The following PTPN4 variants were observed in gnomAD, a reference collection of about 807,000 sequenced individuals.
PTPN4 encodes the protein protein tyrosine phosphatase non-receptor type 4.
A neutral mutation model predicts 135.5 loss-of-function variants in PTPN4; 49 were observed. The observed-to-expected ratio is 0.36, with a 90% CI of 0.29 to 0.46. PTPN4 has a LOEUF of 0.46. Among genes scored for constraint, PTPN4 ranks in the 20% least tolerant of loss-of-function variants. The probability of loss-of-function intolerance (pLI) is 1.00; values close to 1 mark genes in which losing one functional copy is unlikely to be tolerated. For synonymous variants in PTPN4, 333 were observed against 369.9 expected (o/e 0.90, Z 1.14); for missense variants, 860 against 1,101.0 (o/e 0.78, Z 3.10).
At chr2:119,957,952 G>T (rs1679312395) in intron 22 of PTPN4, among the ~76,000 whole-genome samples, 1 of 151,968 alleles carries the variant, frequency 6.6e-6, no homozygotes, top group African/African-American at 2.4e-5. Flanking sequence ...TCAAGGGGAG[G>T]TTTTTTAAGC....
At chr2:119,829,354 TTAGCCATTTTTA>T (rs1205686322) in intron 2 of PTPN4, among the ~76,000 whole-genome samples, 13 of 152,340 alleles carry the variant, frequency 8.5e-5, no homozygotes, top group African/African-American at 2.9e-4. Context: ...ATTTACCACT[TTAGCCATTTTTA>T]TATATACAAT....
intron 2 of PTPN4, among the ~76,000 whole-genome samples, chr2:119,811,870 T>A (rs1030306461): frequency 2.0e-5 from 3 of 151,912 alleles, no homozygotes; most frequent in African/African-American, 7.2e-5. Context: ...GAAAGACATA[T>A]ATATTAATGT....
At chr2:119,849,644 A>G (rs2104978675) in intron 2 of PTPN4, among the ~76,000 whole-genome samples, 1 of 152,278 alleles carries the variant, frequency 6.6e-6, no homozygotes, top group Non-Finnish European at 1.5e-5. Flanking sequence ...TATTGATAAT[A>G]TATTGACCCC....
rs1420108063 is a variant in PTPN4, at chr2:119,885,806, C to A, written c.599C>A (p.Pro200His). Residue 200 changes from proline (P) to histidine (H), a missense_variant, in exon 9 of 27, where the codon CCT becomes CAT. Physicochemically the swap from Pro to His is moderately conservative, Grantham distance 77. Transcript: ENST00000263708. The part of the protein sequence containing the change: ...KLHQQHIGLS[P>H]AEAEFNYLNT... ...TGATGTCTTTATAGAGGCTTATCTCCTGCAGAAGCAGAATTTAATTACCTA... is the reference window on the plus strand; with the variant it reads ...TGATGTCTTTATAGAGGCTTATCTCATGCAGAAGCAGAATTTAATTACCTA... The A allele has an allele frequency of 6.3e-7, 1 of 1,592,964 alleles. No individual in the cohort carries two copies. The highest frequency in any genetic ancestry group is 1.4e-5 in the African/African-American group (1 of 73,932).
At chr2:119,761,070 A>T (rs1296902186) in intron 1 of PTPN4, among the ~76,000 whole-genome samples, 1 of 152,152 alleles carries the variant, frequency 6.6e-6, no homozygotes, top group African/African-American at 2.4e-5. Flanking sequence ...GGATTTTTCA[A>T]AACGCCTGTT....
intron 10 of PTPN4, among the ~76,000 whole-genome samples, chr2:119,914,919 G>A (rs1475496192): frequency 6.6e-6 from 1 of 152,124 alleles, no homozygotes. Context: ...AACTAAGTTA[G>A]TGATAGTTTT....
chr2:119,885,777 T>G lies in PTPN4; in HGVS notation c.588-18T>G. 1 of 1,503,356 alleles carries G rather than the reference T, an allele frequency of 6.7e-7. No homozygotes were observed. Among genetic ancestry groups the G allele is most frequent in the Non-Finnish European group, 9.0e-7 (1 of 1,108,898 alleles). 93.1% of individuals were successfully genotyped at this position (1,503,356 alleles called of 1,614,324 possible). ...TTGATTGATTGATCTCATTTTTAAC[T>G]TAATGATGTCTTTATAGAGGCTTAT... On this transcript the variant is annotated intron_variant, in intron 8 of 26. Transcript: ENST00000263708.
intron 1 of PTPN4, among the ~76,000 whole-genome samples, chr2:119,796,892 G>A (rs77924053): frequency 0.025 from 3,827 of 150,264 alleles, 165 homozygotes; most frequent in African/African-American, 0.089. Flanking sequence ...GTGTGTGTGT[G>A]TGTGTTTTGC....
intron 9 of PTPN4, among the ~76,000 whole-genome samples, chr2:119,894,914 G>A (rs1427102542): frequency 6.6e-6 from 1 of 152,114 alleles, no homozygotes; most frequent in Non-Finnish European, 1.5e-5. Flanking sequence ...CTGAGTATGG[G>A]AAAGTGGACA....
chr2:119,771,211 C>T (rs1201160598), intron 1 of PTPN4, among the ~76,000 whole-genome samples: 1 of 152,170 alleles, frequency 6.6e-6, no homozygotes, highest in African/African-American at 2.4e-5. Flanking sequence ...CTTTCCATCC[C>T]AGCCCAGCCA....
chr2:119,972,906 A>G (rs1212084159), intron 26 of PTPN4, among the ~76,000 whole-genome samples: 2 of 152,142 alleles, frequency 1.3e-5, no homozygotes, highest in East Asian at 3.8e-4. Flanking sequence ...TCTCACTTGG[A>G]CATAGTATGT....
chr2:119,789,911 A>G (rs1026670858), intron 1 of PTPN4, among the ~76,000 whole-genome samples: 2 of 151,724 alleles, frequency 1.3e-5, no homozygotes, highest in African/African-American at 4.8e-5. Context: ...TATTTTTAGT[A>G]GAGACTCGGT....
At chr2:119,800,910 G>A (rs946295950) in intron 1 of PTPN4, among the ~76,000 whole-genome samples, 4 of 151,582 alleles carry the variant, frequency 2.6e-5, no homozygotes, top group African/African-American at 7.3e-5. Flanking sequence ...CAGTGATCTC[G>A]GTGTCTCTAC....
rs553099681 is a variant in PTPN4 at position 119,905,994 on chromosome 2, A to C, written c.764+5188A>C. Among the ~76,000 whole-genome samples the C allele has an allele frequency of 1.6e-3, 241 of 152,304 alleles. 3 individuals are homozygous for C. Among genetic ancestry groups the C allele is most frequent in the African/African-American group, 5.7e-3 (238 of 41,578 alleles). On this transcript the variant is annotated intron_variant, in intron 10 of 26. Coordinates refer to ENST00000263708, the MANE Select transcript of PTPN4 (RefSeq NM_002830.4). ...GAGCTATTTATAGCAATAAATGCTT[A>C]CATCAGAAAAGTAGAAAGAGCTCAA...
At chr2:119,795,848 C>G (rs1385391014) in intron 1 of PTPN4, among the ~76,000 whole-genome samples, 1 of 152,246 alleles carries the variant, frequency 6.6e-6, no homozygotes, top group Non-Finnish European at 1.5e-5. Flanking sequence ...ATCACTGCTC[C>G]CTCACTGGTG....
intron 1 of PTPN4, among the ~76,000 whole-genome samples, chr2:119,806,052 C>T (rs1469370792): frequency 6.6e-6 from 1 of 152,050 alleles, no homozygotes; most frequent in Non-Finnish European, 1.5e-5. Flanking sequence ...ACCACCAGGC[C>T]TGGCTTACAA....
At chr2:119,893,929 A>G (rs1678280338) in intron 9 of PTPN4, among the ~76,000 whole-genome samples, 1 of 152,112 alleles carries the variant, frequency 6.6e-6, no homozygotes, top group African/African-American at 2.4e-5. Flanking sequence ...AACGGAGAAC[A>G]GTAATTTTGA....
At chr2:119,866,076 G>T (rs1268567734) in intron 3 of PTPN4, among the ~76,000 whole-genome samples, 2 of 152,012 alleles carry the variant, frequency 1.3e-5, no homozygotes, top group African/African-American at 4.8e-5. Flanking sequence ...TCTTGTTGTA[G>T]TAGTAATAGT....
At chr2:119,933,662 CAAAAAAA>C (rs34318106) in intron 14 of PTPN4, among the ~76,000 whole-genome samples, 5 of 80,320 alleles carry the variant, frequency 6.2e-5, no homozygotes, top group Admixed American at 1.4e-4. Flanking sequence ...GACCCTGTCT[CAAAAAAA>C]AAAAAAAAAA....
Sources: allele counts gnomAD v4.1 joint callset (sites outside exome capture counted in the v4.1 genomes callset), GRCh38; gene constraint gnomAD v4.1.1; transcripts MANE v1.5; gene names NCBI Gene and HGNC (gene_info 2026-07-23, HGNC 2026-07-21).